The following TENM3 variants were observed in gnomAD, a reference collection of about 807,000 sequenced individuals.
TENM3 encodes the protein teneurin-3.
In TENM3, 63 loss-of-function variants were observed where a neutral mutation model predicts 255.1. That is an observed-to-expected ratio of 0.25 (90% CI 0.20 to 0.30). The LOEUF (loss-of-function observed/expected upper bound fraction) is 0.30. Ranked by LOEUF, TENM3 falls within the 10% of genes least tolerant of loss-of-function variation. The pLI, the probability that TENM3 is intolerant of heterozygous loss-of-function variation, is 1.00. For synonymous variants in TENM3, 1,306 were observed against 1,322.3 expected, an observed-to-expected ratio of 0.99 and a Z score of 0.27; for missense variants, 2,929 against 3,461.1, an observed-to-expected ratio of 0.85 and a Z score of 3.86.
chr4:181,933,726 T>C, the TENM3 span, among the ~76,000 whole-genome samples: 1 of 152,192 alleles, frequency 6.6e-6, no homozygotes, highest in Non-Finnish European at 1.5e-5. Context: ...ACCTGTGGTT[T>C]AGTATCAGCA....
intron 24 of TENM3, among the ~76,000 whole-genome samples, chr4:182,777,107 G>A (rs958882591): frequency 2.6e-5 from 4 of 152,058 alleles, no homozygotes; most frequent in Admixed American, 2.0e-4. Context: ...ATAGAGAAGA[G>A]GGGAGAGAAG....
At chr4:182,228,206 T>C (rs1756312031) in intron 1 of TENM3, among the ~76,000 whole-genome samples, 1 of 151,888 alleles carries the variant, frequency 6.6e-6, no homozygotes, top group Non-Finnish European at 1.5e-5. Flanking sequence ...GGTGGGGATT[T>C]TTGCTAAGTG....
intron 1 of TENM3, among the ~76,000 whole-genome samples, chr4:182,157,266 C>T (rs1352087015): frequency 6.6e-6 from 1 of 152,182 alleles, no homozygotes; most frequent in African/African-American, 2.4e-5. Flanking sequence ...CCAACCCAGT[C>T]GAGGCCGGAG....
At chr4:181,849,949 T>TCTCTCTCACACACACACACA in the TENM3 span, among the ~76,000 whole-genome samples, 296 of 65,938 alleles carry the variant, frequency 4.5e-3, 2 homozygotes, top group East Asian at 0.01. Flanking sequence ...TCTCTCTCTC[T>TCTCTCTCACACACACACACA]CACACACACA....
intron 4 of TENM3, among the ~76,000 whole-genome samples, chr4:182,621,634 A>T (rs1167708222): frequency 0.38 from 40,215 of 105,374 alleles, 9,121 homozygotes; most frequent in South Asian, 0.46. Context: ...TAAAATATAT[A>T]ATATATAATA....
At chr4:182,616,413 C>T (rs1029259202) in intron 4 of TENM3, among the ~76,000 whole-genome samples, 8 of 150,030 alleles carry the variant, frequency 5.3e-5, no homozygotes, top group African/African-American at 1.7e-4. Flanking sequence ...GGGAGATATA[C>T]CTAATGCTAG....
the TENM3 span, among the ~76,000 whole-genome samples, chr4:181,521,630 A>C: frequency 6.6e-6 from 1 of 152,152 alleles, no homozygotes; most frequent in Non-Finnish European, 1.5e-5. Flanking sequence ...AACCACTTTG[A>C]CTATCCCCAT....
At chr4:182,403,896 T>A (rs2151042667) in intron 3 of TENM3, among the ~76,000 whole-genome samples, 1 of 152,264 alleles carries the variant, frequency 6.6e-6, no homozygotes, top group Admixed American at 6.5e-5. Context: ...TTTTTAAAAA[T>A]TTCTTTGTAG....
the TENM3 span, among the ~76,000 whole-genome samples, chr4:181,503,367 A>C: frequency 1.3e-5 from 2 of 152,186 alleles, no homozygotes; most frequent in African/African-American, 2.4e-5. Flanking sequence ...CTCTGTCTCT[A>C]AAAAGTTAAA....
intron 12 of TENM3, among the ~76,000 whole-genome samples, chr4:182,691,774 CA>C (rs1757026947): frequency 6.6e-6 from 1 of 152,098 alleles, no homozygotes; most frequent in Non-Finnish European, 1.5e-5. Flanking sequence ...CTTTCCTCCC[CA>C]GAAAGCATTC....
At chr4:182,220,008 T>C (rs999134727) in intron 1 of TENM3, among the ~76,000 whole-genome samples, 1 of 152,164 alleles carries the variant, frequency 6.6e-6, no homozygotes, top group Admixed American at 6.5e-5. Context: ...TCTGGCCATA[T>C]TAAATGAAAA....
intron 2 of TENM3, among the ~76,000 whole-genome samples, chr4:182,329,142 T>C (rs1763602048): frequency 6.6e-6 from 1 of 152,186 alleles, no homozygotes. Flanking sequence ...TCCTGTGAGC[T>C]GAGCAGTGAT....
At chr4:182,646,877 A>G (rs1752797088) in intron 5 of TENM3, among the ~76,000 whole-genome samples, 1 of 152,202 alleles carries the variant, frequency 6.6e-6, no homozygotes, top group Admixed American at 6.5e-5. Flanking sequence ...GGAAGTATGT[A>G]TTGTGGTCTC....
chr4:182,191,736 G>A (rs1044665552), intron 1 of TENM3, among the ~76,000 whole-genome samples: 2 of 152,030 alleles, frequency 1.3e-5, no homozygotes, highest in Non-Finnish European at 2.9e-5. Flanking sequence ...CATGTATCAG[G>A]GACTCTGCTA....
chr4:182,057,228 C>T, the TENM3 span, among the ~76,000 whole-genome samples: 473 of 150,936 alleles, frequency 3.1e-3, 2 homozygotes, highest in African/African-American at 0.011. Flanking sequence ...AAAGCATGGA[C>T]CTCAGAGACT....
At chr4:182,734,225 C>T (rs1760995106) in intron 16 of TENM3, among the ~76,000 whole-genome samples, 2 of 152,106 alleles carry the variant, frequency 1.3e-5, no homozygotes, top group African/African-American at 2.4e-5. Flanking sequence ...AAGCACGTTT[C>T]AGATTGAAGA....
At chr4:182,679,017 C>T (rs149047358) in intron 7 of TENM3, among the ~76,000 whole-genome samples, 8 of 152,188 alleles carry the variant, frequency 5.3e-5, no homozygotes, top group South Asian at 2.1e-4. Flanking sequence ...ACAGTGAGGA[C>T]ACATGGACAC....
At chr4:181,520,373 T>C in the TENM3 span, among the ~76,000 whole-genome samples, 1 of 152,146 alleles carries the variant, frequency 6.6e-6, no homozygotes, top group Non-Finnish European at 1.5e-5. Flanking sequence ...GATACTGCTC[T>C]CACTCTTTCA....
chr4:182,024,301 A>G, the TENM3 span, among the ~76,000 whole-genome samples: 2 of 152,222 alleles, frequency 1.3e-5, no homozygotes, highest in African/African-American at 2.4e-5. Flanking sequence ...CCCATCCAGC[A>G]AAAGTTTAAT....
Sources: allele counts gnomAD v4.1 joint callset (sites outside exome capture counted in the v4.1 genomes callset), GRCh38; gene constraint gnomAD v4.1.1; transcripts MANE v1.5; gene names NCBI Gene and HGNC (gene_info 2026-07-23, HGNC 2026-07-21).